Variants in KCNB2 observed in about 807,000 individuals in gnomAD.
The protein encoded by KCNB2 is delayed rectifier potassium channel protein.
Under a neutral mutation model 61.5 loss-of-function variants are expected in KCNB2, and 15 were observed. The observed-to-expected ratio is 0.24, with a 90% CI of 0.16 to 0.38. KCNB2 has a LOEUF of 0.38. KCNB2 is among the 10% of genes least tolerant of loss of function. KCNB2 has a pLI of 1.00. For missense variants in KCNB2, 828 were observed against 1,125.2 expected (o/e 0.74, Z 3.78); for synonymous variants, 457 against 446.0 (o/e 1.02, Z -0.31).
intron 2 of KCNB2, among the ~76,000 whole-genome samples, chr8:72,595,983 C>T (rs1371174524): frequency 6.6e-6 from 1 of 152,144 alleles, no homozygotes; most frequent in Non-Finnish European, 1.5e-5. Flanking sequence ...AGCTTCCTGA[C>T]TCCTGGTCTC....
intron 2 of KCNB2, among the ~76,000 whole-genome samples, chr8:72,599,886 A>G (rs1179195945): frequency 2.0e-5 from 3 of 152,232 alleles, no homozygotes; most frequent in Non-Finnish European, 2.9e-5. Context: ...GCAAATCAAA[A>G]CCACAATGAG....
intron 2 of KCNB2, among the ~76,000 whole-genome samples, chr8:72,863,752 A>G (rs1805456548): frequency 6.6e-6 from 1 of 152,250 alleles, no homozygotes; most frequent in Non-Finnish European, 1.5e-5. Context: ...GCTTATGCCT[A>G]TAATTCCAGC....
At chr8:72,823,417 G>A (rs1199049054) in intron 2 of KCNB2, among the ~76,000 whole-genome samples, 2 of 152,116 alleles carry the variant, frequency 1.3e-5, no homozygotes, top group East Asian at 1.9e-4. Flanking sequence ...CACAGACACT[G>A]TCTCCCAAAA....
At chr8:72,786,591 G>A (rs1446137740) in intron 2 of KCNB2, among the ~76,000 whole-genome samples, 1 of 152,140 alleles carries the variant, frequency 6.6e-6, no homozygotes, top group Non-Finnish European at 1.5e-5. Context: ...TCAGCTCTGA[G>A]GCTGTGAATT....
chr8:72,589,290 C>T (rs1438153324), intron 2 of KCNB2, among the ~76,000 whole-genome samples: 1 of 151,728 alleles, frequency 6.6e-6, no homozygotes, highest in Non-Finnish European at 1.5e-5. Context: ...TAATTTTGGA[C>T]TATGTGTCGT....
chr8:72,838,353 G>A (rs1809818884), intron 2 of KCNB2, among the ~76,000 whole-genome samples: 1 of 152,172 alleles, frequency 6.6e-6, no homozygotes, highest in Non-Finnish European at 1.5e-5. Context: ...CTATGAGTGA[G>A]AACGTGGTGT....
chr8:72,832,321 A>G (rs1037196942), intron 2 of KCNB2, among the ~76,000 whole-genome samples: 1 of 152,236 alleles, frequency 6.6e-6, no homozygotes, highest in Non-Finnish European at 1.5e-5. Flanking sequence ...TTATATTTTC[A>G]TATAATGAGG....
chr8:72,647,534 T>C (rs568093721), intron 2 of KCNB2, among the ~76,000 whole-genome samples: 11 of 152,070 alleles, frequency 7.2e-5, no homozygotes, highest in Non-Finnish European at 1.6e-4. Flanking sequence ...AAATGAGAGC[T>C]CAGTACTATC....
chr8:72,864,470 T>A (rs146673167), intron 2 of KCNB2, among the ~76,000 whole-genome samples: 1 of 152,202 alleles, frequency 6.6e-6, no homozygotes, highest in African/African-American at 2.4e-5. Context: ...AACCTGTGAG[T>A]TCCCTTAGTA....
intron 2 of KCNB2, among the ~76,000 whole-genome samples, chr8:72,842,194 T>G (rs1262338004): frequency 1.3e-5 from 2 of 152,220 alleles, no homozygotes; most frequent in Non-Finnish European, 2.9e-5. Context: ...GAGATAATCA[T>G]GTGGTTTTTA....
intron 2 of KCNB2, among the ~76,000 whole-genome samples, chr8:72,754,641 T>G (rs1038245397): frequency 2.6e-5 from 4 of 152,182 alleles, no homozygotes; most frequent in Non-Finnish European, 5.9e-5. Context: ...TGAGTAAAAT[T>G]TATAACTGTT....
chr8:72,937,791 C>G lies in KCNB2; in HGVS notation c.2436C>G (p.Asp812Glu). The change falls in exon 3 of 3, where the codon GAC becomes GAG. Residue 812 changes from aspartate to glutamate, a missense_variant. This residue lies in a region of KCNB2 where 559 missense variants were observed against 588.4 expected (regional missense o/e 0.95). Coordinates refer to ENST00000523207, the MANE Select transcript of KCNB2 (RefSeq NM_004770.3). ...RSFTEIDTGDDEDFLELPGAR... is the reference protein window; with the variant it reads ...RSFTEIDTGDEEDFLELPGAR... ...TCACTGAAATAGATACTGGTGACGACGAAGACTTCTTAGAGCTCCCAGGGG... is the reference window on the plus strand; with the variant it reads ...TCACTGAAATAGATACTGGTGACGAGGAAGACTTCTTAGAGCTCCCAGGGG... 1 of 1,613,888 alleles carries G rather than the reference C, an allele frequency of 6.2e-7. No individual in the cohort carries two copies. Among genetic ancestry groups the G allele is most frequent in the African/African-American group, 1.3e-5 (1 of 74,968 alleles).
At chr8:72,902,845 C>T (rs1806111694) in intron 2 of KCNB2, among the ~76,000 whole-genome samples, 1 of 152,084 alleles carries the variant, frequency 6.6e-6, no homozygotes, top group Admixed American at 6.6e-5. Context: ...TTCCCTGCAT[C>T]TTATTTTTCC....
At chr8:72,851,640 C>T (rs1311565883) in intron 2 of KCNB2, among the ~76,000 whole-genome samples, 2 of 151,924 alleles carry the variant, frequency 1.3e-5, no homozygotes, top group East Asian at 3.9e-4. Flanking sequence ...AGCATTTAGT[C>T]AGGTTCCACT....
Position 72,672,566 on chromosome 8 carries a change from A to G in KCNB2, c.579+104253A>G, listed in dbSNP as rs190479012. Among the ~76,000 whole-genome samples the G allele has an allele frequency of 5.1e-4, 77 of 152,274 alleles. 1 individual carries two copies. In the East Asian group the frequency reaches 0.014, roughly 27 times the overall value. On this transcript the variant is annotated intron_variant, in intron 2 of 2. Coordinates refer to ENST00000523207, the MANE Select transcript of KCNB2 (RefSeq NM_004770.3). The stretch of plus-strand genomic sequence containing the variant: ...TTTTATCATAATTGGTCCTATTATC[A>G]TTCACTGATATTTAATATAATCTAT...
intron 2 of KCNB2, among the ~76,000 whole-genome samples, chr8:72,734,285 A>C: frequency 6.6e-6 from 1 of 152,160 alleles, no homozygotes; most frequent in East Asian, 1.9e-4. Flanking sequence ...ACATCAGTAC[A>C]TCCCAGCAGC....
chr8:72,741,108 G>A (rs982750468), intron 2 of KCNB2, among the ~76,000 whole-genome samples: 3 of 151,760 alleles, frequency 2.0e-5, no homozygotes, highest in African/African-American at 7.3e-5. Flanking sequence ...ATCCCTTTTT[G>A]ATTGTAATCT....
intron 1 of KCNB2, among the ~76,000 whole-genome samples, chr8:72,563,505 T>C (rs1188713244): frequency 6.6e-6 from 1 of 152,132 alleles, no homozygotes; most frequent in East Asian, 1.9e-4. Flanking sequence ...TAATGAAGTA[T>C]GTACAAGTCT....
rs189247443 is a variant in KCNB2 at position 72,657,920 on chromosome 8, G to A, written c.579+89607G>A. Among the ~76,000 whole-genome samples, 125 of 152,256 alleles carry A rather than the reference G, an allele frequency of 8.2e-4. 1 individual carries two copies. Among genetic ancestry groups the A allele is most frequent in the African/African-American group, 3.0e-3 (125 of 41,564 alleles). On this transcript the variant is annotated intron_variant, in intron 2 of 2. Coordinates refer to ENST00000523207, the MANE Select transcript of KCNB2 (RefSeq NM_004770.3). ...AAGACAGAGAATTTAAATGATAAAT[G>A]TTGTGTGTGTCCTGACTGCTCCATC...
Sources: gnomAD v4.1 joint callset for allele counts (sites outside exome capture counted in the v4.1 genomes callset) on GRCh38, gnomAD v4.1.1 for gene constraint, gnomAD v4.1.1 regional missense constraint, MANE v1.5 for transcripts, NCBI Gene and HGNC (gene_info 2026-07-23, HGNC 2026-07-21) for gene names.